ROBO1: variants seen among roughly 807,000 people sequenced by gnomAD.
ROBO1 encodes roundabout guidance receptor 1.
Under a neutral mutation model 195.9 loss-of-function variants are expected in ROBO1, and 149 were observed. The observed-to-expected ratio is 0.76, with a 90% CI of 0.67 to 0.87. The LOEUF is 0.87. ROBO1 is among the 40% of genes least tolerant of loss of function. ROBO1 has a pLI of 0.00. For synonymous variants in ROBO1, 816 were observed against 733.2 expected (o/e 1.11, Z -1.82); for missense variants, 1,933 against 2,068.3 (o/e 0.93, Z 1.27).
At chr3:78,906,649 A>G (rs2037940041) in intron 4 of ROBO1, among the ~76,000 whole-genome samples, 1 of 152,088 alleles carries the variant, frequency 6.6e-6, no homozygotes, top group African/African-American at 2.4e-5. Context: ...GTTGTTCTCA[A>G]ATGGTTTGAT....
chr3:79,691,619 C>T (rs1036086380), intron 1 of ROBO1, among the ~76,000 whole-genome samples: 16 of 151,584 alleles, frequency 1.1e-4, no homozygotes, highest in African/African-American at 7.3e-5. Context: ...TTCTTAAGAC[C>T]GACTGTGCAT....
chr3:79,411,066 G>A (rs564236044), intron 2 of ROBO1, among the ~76,000 whole-genome samples: 5 of 152,086 alleles, frequency 3.3e-5, no homozygotes, highest in South Asian at 2.1e-4. Context: ...TGATTCCTAC[G>A]TCCATTTCTA....
At chr3:79,693,032 C>T (rs1576239827) in intron 1 of ROBO1, among the ~76,000 whole-genome samples, 1 of 151,488 alleles carries the variant, frequency 6.6e-6, no homozygotes, top group Non-Finnish European at 1.5e-5. Context: ...TGTTGGTGCT[C>T]AAAAAGTTTC....
At chr3:79,654,609 CT>C (rs957374341) in intron 1 of ROBO1, among the ~76,000 whole-genome samples, 16 of 152,006 alleles carry the variant, frequency 1.1e-4, no homozygotes, top group African/African-American at 3.6e-4. Context: ...ATTCATCTTT[CT>C]TTTAAAAGAT....
intron 8 of ROBO1, among the ~76,000 whole-genome samples, chr3:78,712,422 C>T (rs1440988440): frequency 6.6e-6 from 1 of 152,100 alleles, no homozygotes; most frequent in African/African-American, 2.4e-5. Flanking sequence ...TTTCTACGTT[C>T]AGTCTCAAAA....
At chr3:78,920,893 G>A (rs1418102091) in intron 4 of ROBO1, among the ~76,000 whole-genome samples, 2 of 151,734 alleles carry the variant, frequency 1.3e-5, no homozygotes, top group Non-Finnish European at 2.9e-5. Context: ...TTTCCCCAGA[G>A]TGGGCTCCAA....
intron 2 of ROBO1, among the ~76,000 whole-genome samples, chr3:79,263,061 T>G (rs1264386664): frequency 6.6e-6 from 1 of 152,116 alleles, no homozygotes; most frequent in East Asian, 1.9e-4. Context: ...CAATTGTATT[T>G]CATTTTTCTG....
At chr3:79,661,067 G>T (rs902907244) in intron 1 of ROBO1, among the ~76,000 whole-genome samples, 1 of 152,198 alleles carries the variant, frequency 6.6e-6, no homozygotes, top group South Asian at 2.1e-4. Context: ...CACAAAGGAT[G>T]AACTTTGATG....
intron 2 of ROBO1, among the ~76,000 whole-genome samples, chr3:79,217,694 AC>A (rs1289648669): frequency 6.6e-6 from 1 of 152,002 alleles, no homozygotes; most frequent in Admixed American, 6.6e-5. Flanking sequence ...TATATAAAAA[AC>A]ATTTAAAAAG....
At chr3:79,270,472 G>A (rs1164793474) in intron 2 of ROBO1, among the ~76,000 whole-genome samples, 1 of 151,160 alleles carries the variant, frequency 6.6e-6, no homozygotes, top group African/African-American at 2.4e-5. Context: ...GAGTGGCTCA[G>A]TAAAGACTGC....
At chr3:79,701,927 T>G (rs1262952362) in intron 1 of ROBO1, among the ~76,000 whole-genome samples, 1 of 151,790 alleles carries the variant, frequency 6.6e-6, no homozygotes, top group Non-Finnish European at 1.5e-5. Flanking sequence ...TGGGCAGGGC[T>G]TTTATTGAAA....
At chr3:79,092,312 A>T (rs2108491479) in intron 3 of ROBO1, among the ~76,000 whole-genome samples, 1 of 152,214 alleles carries the variant, frequency 6.6e-6, no homozygotes, top group South Asian at 2.1e-4. Context: ...GAACAGGCTA[A>T]TTGAGAAACA....
intron 2 of ROBO1, among the ~76,000 whole-genome samples, chr3:79,295,799 A>T (rs932618742): frequency 6.6e-5 from 10 of 152,314 alleles, no homozygotes; most frequent in African/African-American, 2.2e-4. Flanking sequence ...AGAAGAAAAA[A>T]GAAAAACAGC....
At chr3:79,748,199 G>A (rs2107461507) in intron 1 of ROBO1, among the ~76,000 whole-genome samples, 1 of 152,210 alleles carries the variant, frequency 6.6e-6, no homozygotes, top group African/African-American at 2.4e-5. Context: ...TTATTGAAAT[G>A]AATTCAAGAG....
At chr3:78,766,059 A>G (rs1157993894) in intron 4 of ROBO1, among the ~76,000 whole-genome samples, 1 of 152,196 alleles carries the variant, frequency 6.6e-6, no homozygotes, top group Non-Finnish European at 1.5e-5. Flanking sequence ...TACTATTTGT[A>G]TGACTTGGCC....
intron 2 of ROBO1, among the ~76,000 whole-genome samples, chr3:79,346,167 A>G (rs990884991): frequency 6.6e-6 from 1 of 152,052 alleles, no homozygotes; most frequent in Non-Finnish European, 1.5e-5. Flanking sequence ...CTCATTTTTA[A>G]TATTTATAGA....
chr3:79,599,851 A>G (rs1944287717), intron 1 of ROBO1, among the ~76,000 whole-genome samples: 1 of 152,034 alleles, frequency 6.6e-6, no homozygotes, highest in Non-Finnish European at 1.5e-5. Context: ...AGACATTTTA[A>G]AAAATGATCT....
intron 4 of ROBO1, among the ~76,000 whole-genome samples, chr3:78,933,618 A>T (rs375771767): frequency 6.6e-6 from 1 of 152,056 alleles, no homozygotes; most frequent in East Asian, 1.9e-4. Flanking sequence ...ATGATAAAAT[A>T]ACTACTAATA....
chr3:79,514,322 A>G (rs979511566), intron 2 of ROBO1, among the ~76,000 whole-genome samples: 5 of 152,170 alleles, frequency 3.3e-5, no homozygotes, highest in African/African-American at 4.8e-5. Context: ...GGAGGAGTCA[A>G]ATGAATTTCT....
Sources: allele counts gnomAD v4.1 joint callset (sites outside exome capture counted in the v4.1 genomes callset), GRCh38; gene constraint gnomAD v4.1.1; transcripts MANE v1.5; gene names NCBI Gene and HGNC (gene_info 2026-07-23, HGNC 2026-07-21).